Variants in HS6ST2 observed in about 807,000 individuals in gnomAD.
The protein encoded by HS6ST2 is heparan sulfate 6-O-sulfotransferase 2, also known as heparan-sulfate 6-O-sulfotransferase 2.
HS6ST2 carries 17 observed loss-of-function variants against 33.0 expected under a neutral mutation model. That is an observed-to-expected ratio of 0.52 (90% CI 0.35 to 0.77). The LOEUF (loss-of-function observed/expected upper bound fraction) is 0.77, where lower values mean the gene tolerates loss of function less well. Ranked by LOEUF, HS6ST2 falls within the 30% of genes least tolerant of loss-of-function variation. The pLI, the probability that HS6ST2 is intolerant of heterozygous loss-of-function variation, is 0.01. For synonymous variants in HS6ST2, 248 were observed against 237.1 expected, an observed-to-expected ratio of 1.05 and a Z score of -0.42; for missense variants, 519 against 551.7, an observed-to-expected ratio of 0.94 and a Z score of 0.59.
chrX:132,632,056 C>T (rs1452002882), intron 4 of HS6ST2, among the ~76,000 whole-genome samples: 1 of 110,813 alleles, frequency 9.0e-6, no homozygotes, highest in African/African-American at 3.3e-5. Context: ...TTAAGAAATA[C>T]GGACAGCCCA....
chrX:132,708,387 C>T (rs1002004436), intron 3 of HS6ST2, 75 bp downstream of exon 3: 10 of 556,601 alleles, frequency 1.8e-5, no homozygotes, highest in African/African-American at 1.1e-4. Flanking sequence ...TGAAATTAAA[C>T]GGACAGGCAA....
At chrX:132,642,286 T>C (rs890735617) in intron 4 of HS6ST2, among the ~76,000 whole-genome samples, 5 of 111,296 alleles carry the variant, frequency 4.5e-5, no homozygotes, top group Non-Finnish European at 9.4e-5. Flanking sequence ...TCAGGAAAAA[T>C]GCCTGCTCTC....
chrX:132,736,720 T>C (rs2148283089), intron 2 of HS6ST2, among the ~76,000 whole-genome samples: 1 of 111,771 alleles, frequency 8.9e-6, no homozygotes, highest in East Asian at 2.8e-4. Context: ...TTGATATTGC[T>C]GAATGAGAGA....
intron 2 of HS6ST2, among the ~76,000 whole-genome samples, chrX:132,823,853 A>AATAATAATAATAAT (rs1556457833): frequency 8.6e-5 from 8 of 92,516 alleles, no homozygotes; most frequent in African/African-American, 2.4e-4. Context: ...ACTTCATAAA[A>AATAATAATAATAAT]AATAATAATA....
chrX:132,652,292 C>T (rs2063699159), intron 4 of HS6ST2, among the ~76,000 whole-genome samples: 1 of 112,079 alleles, frequency 8.9e-6, no homozygotes, highest in Non-Finnish European at 1.9e-5. Context: ...CCCTATTGTT[C>T]TGTTTCTTCT....
At chrX:132,683,577 T>C (rs1569480642) in intron 3 of HS6ST2, among the ~76,000 whole-genome samples, 3 of 112,114 alleles carry the variant, frequency 2.7e-5, no homozygotes, top group Non-Finnish European at 3.8e-5. Context: ...TCTTGACAGC[T>C]TTATACAACC....
chrX:132,957,903 C>T (rs2067103191), intron 1 of HS6ST2, among the ~76,000 whole-genome samples: 1 of 112,203 alleles, frequency 8.9e-6, no homozygotes, highest in African/African-American at 3.2e-5. Flanking sequence ...GAGCTCGGAG[C>T]CGGGGGCTCA....
chrX:132,784,693 C>T (rs190804355), intron 2 of HS6ST2, among the ~76,000 whole-genome samples: 2 of 111,727 alleles, frequency 1.8e-5, no homozygotes, highest in Admixed American at 1.9e-4. Context: ...ATGCCTAACA[C>T]ACAATGGTTG....
intron 2 of HS6ST2, among the ~76,000 whole-genome samples, chrX:132,924,695 AT>A (rs1409127482): frequency 9.0e-6 from 1 of 111,284 alleles, no homozygotes; most frequent in Non-Finnish European, 1.9e-5. Context: ...GGGGTTTAAG[AT>A]TGAGTTGTTG....
chrX:132,809,921 A>G (rs1234383447), intron 2 of HS6ST2, among the ~76,000 whole-genome samples: 1 of 111,874 alleles, frequency 8.9e-6, no homozygotes, highest in Non-Finnish European at 1.9e-5. Context: ...GCAGACAGAG[A>G]GTGTTCGTTT....
At chrX:132,756,960 A>AT (rs776103063) in intron 2 of HS6ST2, among the ~76,000 whole-genome samples, 79 of 110,557 alleles carry the variant, frequency 7.1e-4, no homozygotes, top group African/African-American at 2.4e-3. Flanking sequence ...AAAGATAATA[A>AT]TTTTTTATTC....
At chrX:132,694,275 CCT>C (rs2064087343) in intron 3 of HS6ST2, among the ~76,000 whole-genome samples, 1 of 111,842 alleles carries the variant, frequency 8.9e-6, no homozygotes, top group Admixed American at 9.5e-5. Context: ...AGACCAGTGA[CCT>C]CTTTTTAAGA....
At chrX:132,755,416 A>AG (rs1201362447) in intron 2 of HS6ST2, among the ~76,000 whole-genome samples, 1 of 111,856 alleles carries the variant, frequency 8.9e-6, no homozygotes. Context: ...CATTTCTCCA[A>AG]GGAGCCCTGG....
intron 3 of HS6ST2, among the ~76,000 whole-genome samples, chrX:132,678,571 C>T (rs1348598899): frequency 8.9e-6 from 1 of 112,576 alleles, no homozygotes; most frequent in Admixed American, 9.4e-5. Context: ...TTTTAAACTA[C>T]TTAGTTATCA....
chrX:132,804,767 C>G (rs1310499316), intron 2 of HS6ST2, among the ~76,000 whole-genome samples: 1 of 111,528 alleles, frequency 9.0e-6, no homozygotes, highest in Admixed American at 9.6e-5. Context: ...CCACTACACT[C>G]CAGCCTGAGC....
At chrX:132,766,766 T>TAATG (rs2064851912) in intron 2 of HS6ST2, among the ~76,000 whole-genome samples, 1 of 112,251 alleles carries the variant, frequency 8.9e-6, no homozygotes, top group Admixed American at 9.4e-5. Context: ...ATACCACATG[T>TAATG]AATGAAGTCT....
intron 2 of HS6ST2, among the ~76,000 whole-genome samples, chrX:132,938,165 A>C (rs2066846679): frequency 9.2e-6 from 1 of 109,230 alleles, no homozygotes; most frequent in Admixed American, 9.8e-5. Context: ...CTGTCTCAAA[A>C]AAAAAAAAAC....
chrX:132,653,332 A>G (rs767901968), intron 4 of HS6ST2, among the ~76,000 whole-genome samples: 2 of 112,463 alleles, frequency 1.8e-5, no homozygotes, highest in East Asian at 5.6e-4. Flanking sequence ...TTTCTTTTCA[A>G]TGTGTTCTTA....
intron 2 of HS6ST2, among the ~76,000 whole-genome samples, chrX:132,907,110 T>C (rs1027320670): frequency 2.7e-5 from 3 of 112,560 alleles, no homozygotes; most frequent in African/African-American, 9.7e-5. Flanking sequence ...ACCACATTTC[T>C]TGTACTGCCT....
Sources: gnomAD v4.1 joint callset for allele counts (sites outside exome capture counted in the v4.1 genomes callset) on GRCh38, gnomAD v4.1.1 for gene constraint, MANE v1.5 for transcripts, NCBI Gene and HGNC (gene_info 2026-07-23, HGNC 2026-07-21) for gene names.